The following ABI2 variants were observed in gnomAD, a reference collection of about 807,000 sequenced individuals.
ABI2 encodes the protein abelson interactor 2.
Under a neutral mutation model 59.2 loss-of-function variants are expected in ABI2, and 25 were observed. The observed-to-expected ratio is 0.42, with a 90% CI of 0.31 to 0.59. ABI2 has a LOEUF of 0.59. ABI2 is among the 20% of genes least tolerant of loss of function. The pLI, the probability that ABI2 is intolerant of heterozygous loss-of-function variation, is 0.14. For missense variants in ABI2, 545 were observed against 681.8 expected, an observed-to-expected ratio of 0.80 and a Z score of 2.23; for synonymous variants, 213 against 235.5, an observed-to-expected ratio of 0.90 and a Z score of 0.87.
At chr2:203,400,380 T>A (rs2097174565) in intron 8 of ABI2, among the ~76,000 whole-genome samples, 1 of 152,136 alleles carries the variant, frequency 6.6e-6, no homozygotes, top group South Asian at 2.1e-4. Context: ...TGAGCCACCA[T>A]GCCCAGCCCA....
chr2:203,330,163 T>A (rs2152255223), intron 1 of ABI2, among the ~76,000 whole-genome samples: 1 of 151,490 alleles, frequency 6.6e-6, no homozygotes, highest in South Asian at 2.1e-4. Context: ...TTTGTTTGAT[T>A]AGACATACTG....
chr2:203,419,798 G>C (rs953641996), intron 11 of ABI2, among the ~76,000 whole-genome samples: 6 of 152,024 alleles, frequency 3.9e-5, no homozygotes, highest in African/African-American at 1.4e-4. Flanking sequence ...AGACCAGCCT[G>C]ACCAACATGG....
chr2:203,371,576 T>C (rs2095205647), intron 2 of ABI2, among the ~76,000 whole-genome samples: 1 of 152,352 alleles, frequency 6.6e-6, no homozygotes, highest in African/African-American at 2.4e-5. Flanking sequence ...AAATTTCATC[T>C]CTAGCTTTGT....
At chr2:203,411,626 C>G (rs2097680850) in intron 10 of ABI2, among the ~76,000 whole-genome samples, 1 of 152,162 alleles carries the variant, frequency 6.6e-6, no homozygotes, top group Non-Finnish European at 1.5e-5. Context: ...GAGGAGGTAT[C>G]TTTAATCACT....
At chr2:203,423,461 T>C (rs1373257085) in intron 11 of ABI2, among the ~76,000 whole-genome samples, 1 of 152,238 alleles carries the variant, frequency 6.6e-6, no homozygotes, top group Non-Finnish European at 1.5e-5. Context: ...AGTCTCGCTC[T>C]GTCGCTCAGG....
intron 5 of ABI2, among the ~76,000 whole-genome samples, chr2:203,392,327 CAA>C: frequency 2.0e-5 from 2 of 98,948 alleles, no homozygotes; most frequent in Non-Finnish European, 4.5e-5. Flanking sequence ...ACAACAACAA[CAA>C]CAACAACAAC....
chr2:203,356,128 A>T (rs2091855392), intron 1 of ABI2, among the ~76,000 whole-genome samples: 3 of 152,078 alleles, frequency 2.0e-5, no homozygotes, highest in South Asian at 4.1e-4. Flanking sequence ...TTTTTCATTA[A>T]TTGTACTGCA....
intron 1 of ABI2, among the ~76,000 whole-genome samples, chr2:203,350,909 T>C (rs1271842091): frequency 6.6e-6 from 1 of 151,688 alleles, no homozygotes; most frequent in African/African-American, 2.4e-5. Flanking sequence ...CGCATACTTT[T>C]AGGTGTTATA....
At chr2:203,418,570 C>T (rs1164358573) in intron 11 of ABI2, among the ~76,000 whole-genome samples, 6 of 152,326 alleles carry the variant, frequency 3.9e-5, no homozygotes, top group South Asian at 2.1e-4. Flanking sequence ...TAGGGCAGCT[C>T]ACAACATGGC....
chr2:203,364,465 T>C lies in ABI2; in HGVS notation c.118-2412T>C, dbSNP rs912903402. On this transcript the variant is annotated intron_variant, in intron 1 of 11. Transcript: ENST00000261018. ...GTGTGAAAGGCGAGAATTCTACCAC[T>C]GAACCACCATTGCGCTGACTTATCC... 1.2e-4 allele frequency among the ~76,000 whole-genome samples: 18 copies of C among 152,182 alleles called. 1 individual carries two copies. The highest frequency in any genetic ancestry group is 1.3e-4 in the Admixed American group (2 of 15,274).
At chr2:203,375,159 A>G (rs954753171) in intron 2 of ABI2, among the ~76,000 whole-genome samples, 2 of 152,312 alleles carry the variant, frequency 1.3e-5, no homozygotes, top group South Asian at 4.1e-4. Context: ...TATCAGTGAG[A>G]AGGATGGGGA....
At chr2:203,418,491 C>T (rs1006017779) in intron 11 of ABI2, among the ~76,000 whole-genome samples, 13 of 152,236 alleles carry the variant, frequency 8.5e-5, no homozygotes, top group East Asian at 3.8e-4. Context: ...GTTGGCCTGA[C>T]GGCCTCGGCT....
chr2:203,388,747 A>G (rs762260859), intron 4 of ABI2, among the ~76,000 whole-genome samples: 13 of 151,494 alleles, frequency 8.6e-5, no homozygotes, highest in Admixed American at 2.0e-4. Context: ...ATTTTATGCT[A>G]TTTTTTTTGG....
At chr2:203,417,127 A>G (rs774134853) in intron 11 of ABI2, 46 bp downstream of exon 11, 10 of 1,481,284 alleles carry the variant, frequency 6.8e-6, no homozygotes, top group East Asian at 2.4e-5. Context: ...AAACCTCTAC[A>G]TAGAAATGAA....
At chr2:203,406,409 A>G (rs148078130) in intron 9 of ABI2, among the ~76,000 whole-genome samples, 5 of 152,328 alleles carry the variant, frequency 3.3e-5, no homozygotes, top group East Asian at 3.9e-4. Context: ...ATATAGTTCT[A>G]TGAGATATAG....
chr2:203,331,714 C>T (rs2152302338), intron 1 of ABI2, among the ~76,000 whole-genome samples: 1 of 151,732 alleles, frequency 6.6e-6, no homozygotes, highest in East Asian at 1.9e-4. Context: ...TTAACTAACC[C>T]AACACTCATT....
At position 203,363,232 on chromosome 2, in the gene ABI2, A is replaced by G. The variant is rs1188780852; in HGVS notation, c.118-3645A>G. Among the ~76,000 whole-genome samples, 3 of 152,324 alleles carry G rather than the reference A, an allele frequency of 2.0e-5. No individual in the cohort carries two copies. The East Asian group carries it at 5.8e-4, about 29-fold the overall frequency. On this transcript the variant is annotated intron_variant, in intron 1 of 11. Coordinates refer to ENST00000261018, the MANE Select transcript of ABI2 (RefSeq NM_001375670.1). ...CTGAGATATTTTGATACAGGCATAC[A>G]ATGTGTAATAATCACATTAGGGTAA...
intron 1 of ABI2, among the ~76,000 whole-genome samples, chr2:203,361,272 A>G (rs760478038): frequency 2.6e-5 from 4 of 152,128 alleles, no homozygotes; most frequent in African/African-American, 9.7e-5. Flanking sequence ...ATGGGAGTCA[A>G]TTCTCGGGCT....
intron 10 of ABI2, 39 bp downstream of exon 10, chr2:203,411,410 AG>A: frequency 6.6e-7 from 1 of 1,504,908 alleles, no homozygotes; most frequent in Non-Finnish European, 9.2e-7. Flanking sequence ...ATCAGATTGT[AG>A]GCATAAAATG....
Sources: allele counts gnomAD v4.1 joint callset (sites outside exome capture counted in the v4.1 genomes callset), GRCh38; gene constraint gnomAD v4.1.1; transcripts MANE v1.5; gene names NCBI Gene and HGNC (gene_info 2026-07-23, HGNC 2026-07-21).